Variants in RGL4 observed in about 807,000 individuals in gnomAD.
RGL4 encodes ral guanine nucleotide dissociation stimulator like 4, also known as ral-GDS-related protein.
RGL4 carries 41 observed loss-of-function variants against 49.6 expected under a neutral mutation model. That is an observed-to-expected ratio of 0.83 (90% CI 0.64 to 1.07). The LOEUF is 1.07. Ranked by LOEUF, RGL4 falls within the 50% of genes least tolerant of loss-of-function variation. RGL4 has a pLI of 0.00. For synonymous variants in RGL4, 255 were observed against 238.0 expected (o/e 1.07, Z -0.66); for missense variants, 610 against 591.9 (o/e 1.03, Z -0.32).
rs1415945759 is a variant in RGL4 at position 23,698,972 on chromosome 22, C to A, written c.*89C>A. The A allele has an allele frequency of 6.4e-7, 1 of 1,570,434 alleles. No individual in the cohort carries two copies. Among genetic ancestry groups the A allele is most frequent in the Non-Finnish European group, 8.6e-7 (1 of 1,157,326 alleles). ...CCATCCCTCACCCAGACCGTAGACACCAGGGAACCACATCTAGGAGGCTGG... is the reference window on the plus strand; with the variant it reads ...CCATCCCTCACCCAGACCGTAGACAACAGGGAACCACATCTAGGAGGCTGG... On this transcript the variant is annotated 3_prime_UTR_variant, in exon 11 of 11. Transcript: ENST00000290691.
In RGL4 at chr22:23,697,876, C is replaced by A; in HGVS notation, c.1260+15C>A. 6.2e-7 allele frequency: 1 copy of A among 1,603,896 alleles called. No individual in the cohort carries two copies. The highest frequency in any genetic ancestry group is 8.5e-7 in the Non-Finnish European group (1 of 1,176,118). ...AGAGGAGCAAGGTGAGCAGCTGGGG[C>A]ACTCACGTTGGATGAGGGTGGGGAT... On this transcript the variant is annotated intron_variant, in intron 9 of 10. Transcript: ENST00000290691.
rs1923566593 is a variant in RGL4, at chr22:23,697,211, A to G, written c.1202A>G (p.Gln401Arg). The G allele has an allele frequency of 6.2e-7, 1 of 1,613,692 alleles. No homozygotes were observed. The change falls in exon 8 of 11, where the codon CAG (glutamine) becomes CGG (arginine). Residue 401 changes from glutamine to arginine, a missense_variant. Physicochemically the swap from Gln to Arg is conservative, Grantham distance 43 (BLOSUM62 1). Transcript: ENST00000290691. ...PFLGDFLTEL[Q>R]RLDSAIPDDL... ...CTGGGGGATTTTCTGACTGAGTTAC[A>G]GAGGCTGGATTCGGCCATCCCGGAC...
At chr22:23,695,438 TCTGCTG>T (rs60344348) in intron 6 of RGL4, 15,897 of 503,152 alleles carry the variant, frequency 0.032, no homozygotes, top group South Asian at 0.086. Context: ...AAGCCAGGCC[TCTGCTG>T]CTGCTGCTGC....
intron 4 of RGL4, 157 bp downstream of exon 4, chr22:23,694,131 G>A (rs1034976126): frequency 3.2e-5 from 24 of 753,714 alleles, no homozygotes; most frequent in South Asian, 2.1e-4. Flanking sequence ...TGACTCCCAC[G>A]GCCCAGTGGT....
chr22:23,693,121 G>A (rs1165261216), intron 3 of RGL4, 130 bp downstream of exon 3: 1 of 1,419,970 alleles, frequency 7.0e-7, no homozygotes, highest in East Asian at 2.5e-5. Flanking sequence ...ATCTGGATGA[G>A]TTTCCTCACC....
chr22:23,693,143 C>A, intron 3 of RGL4, 152 bp downstream of exon 3: 1 of 1,344,232 alleles, frequency 7.4e-7, no homozygotes, highest in Non-Finnish European at 9.8e-7. Flanking sequence ...ACAAGCCTTC[C>A]CTGTCTGCAT....
intron 4 of RGL4, 31 bp from the exon 5 acceptor site, chr22:23,694,316 T>G: frequency 6.5e-7 from 1 of 1,539,644 alleles, no homozygotes; most frequent in Non-Finnish European, 9.0e-7. Context: ...GCTCCAACTC[T>G]GAACCGCACA....
intron 7 of RGL4, 44 bp from the exon 8 acceptor site, chr22:23,697,127 C>A: frequency 6.9e-7 from 1 of 1,457,886 alleles, no homozygotes; most frequent in Non-Finnish European, 9.6e-7. Flanking sequence ...GGCCAATACT[C>A]ATCACCACTA....
intron 7 of RGL4, 49 bp downstream of exon 7, chr22:23,696,737 G>A (rs1923527806): frequency 1.3e-6 from 2 of 1,534,376 alleles, no homozygotes; most frequent in Admixed American, 1.8e-5. Flanking sequence ...AGAGGACAGG[G>A]CTCCCTTCCC....
rs201370264 is a variant in RGL4, at chr22:23,695,003, G to A, written c.1070G>A (p.Arg357Lys). Residue 357 changes from arginine to lysine, a missense_variant, in exon 6 of 11, where the codon AGG becomes AAG. Coordinates refer to ENST00000290691, the MANE Select transcript of RGL4 (RefSeq NM_153615.2). ...ELCKKDTAVK[R>K]DLLIKAGSFK... ...TGCAAAAAAGACACTGCAGTGAAGA[G>A]GGACCTACTGATCAAGGTACAGTGG... The A allele has an allele frequency of 3.7e-6, 6 of 1,612,534 alleles. No homozygotes were observed. Among genetic ancestry groups the A allele is most frequent in the Non-Finnish European group, 5.1e-6 (6 of 1,178,650 alleles).
chr22:23,697,961 G>A lies in RGL4; in HGVS notation c.1260+100G>A, dbSNP rs981719972. ...CCTGGCTCCATCCTCTACATCTTAGGCTTACTGGGAGTGTTTGACACACAC... is the reference window on the plus strand; with the variant it reads ...CCTGGCTCCATCCTCTACATCTTAGACTTACTGGGAGTGTTTGACACACAC... On this transcript the variant is annotated intron_variant, in intron 9 of 10. Transcript: ENST00000290691. 5.7e-6 allele frequency: 8 copies of A among 1,415,318 alleles called. No homozygotes were observed. The African/African-American group carries it at 8.5e-5, about 15-fold the overall frequency. 87.7% of individuals were successfully genotyped at this position (1,415,318 alleles called of 1,614,324 possible).
In RGL4 at chr22:23,696,595, T is replaced by C. The variant is rs748658345; in HGVS notation, c.1087-19T>C. ...GAGAGGAGGAGAGCCTCACTGTCCC[T>C]GTCGCTGACACCTGGCAGGCGGGGA... On this transcript the variant is annotated intron_variant, in intron 6 of 10. Transcript: ENST00000290691. 5.0e-6 allele frequency: 8 copies of C among 1,613,638 alleles called. No homozygotes were observed. The highest frequency in any genetic ancestry group is 2.5e-6 in the Non-Finnish European group (3 of 1,179,730).
chr22:23,697,122 A>G (rs1428269529), intron 7 of RGL4, 49 bp from the exon 8 acceptor site: 3 of 1,429,304 alleles, frequency 2.1e-6, no homozygotes, highest in South Asian at 1.2e-5. Context: ...CTGAGGGCCA[A>G]TACTCATCAC....
chr22:23,695,411 G>T, intron 6 of RGL4: 1 of 535,782 alleles, frequency 1.9e-6, no homozygotes, highest in Non-Finnish European at 3.4e-6. Flanking sequence ...CCTCAAACCG[G>T]CCAGCAATTC....
At position 23,697,252 on chromosome 22, in the gene RGL4, G is replaced by A; in HGVS notation, c.1236+7G>A. On this transcript the variant is annotated splice_region_variant and intron_variant, in intron 8 of 10. Transcript: ENST00000290691. ...CATCCCGGACGACCTGGATGTGAGT[G>A]AGCCTGGGGCAGGGTGCTTGGGAAC... 1.2e-6 allele frequency: 2 copies of A among 1,611,288 alleles called. No homozygotes were observed. Among genetic ancestry groups the A allele is most frequent in the Non-Finnish European group, 1.7e-6 (2 of 1,177,672 alleles).
chr22:23,692,507 C>T lies in RGL4; in HGVS notation c.352C>T (p.Pro118Ser). The change falls in exon 2 of 11, where the codon CCC becomes TCC. Residue 118 changes from proline to serine, a missense_variant. Coordinates refer to ENST00000290691, the MANE Select transcript of RGL4 (RefSeq NM_153615.2). ...IVLGQLVLPE[P>S]NEAKPDDPAP... ...CCTAGGCCAGTTGGTGCTTCCGGAG[C>T]CCAACGAGGCCAAGCCAGATGGTGA... 1 of 1,613,904 alleles carries T rather than the reference C, an allele frequency of 6.2e-7. No homozygotes were observed. Among genetic ancestry groups the T allele is most frequent in the South Asian group, 1.1e-5 (1 of 91,074 alleles).
In RGL4 at chr22:23,698,224, C is replaced by A; in HGVS notation, c.1273C>A (p.Leu425Met). ...CCTCTGTCTCTAGGAGGTCCGAGTT[C>A]TGCAGGAAATGCAGCTGCTCCAAGT... ...TNKRSKEVRV[L>M]QEMQLLQVAA... The change falls in exon 10 of 11, where the codon CTG becomes ATG. Residue 425 changes from leucine to methionine, a missense_variant. By Grantham distance (15) the Leu-to-Met change is conservative. Coordinates refer to ENST00000290691, the MANE Select transcript of RGL4 (RefSeq NM_153615.2). 1 of 1,607,744 alleles carries A rather than the reference C, an allele frequency of 6.2e-7. No homozygotes were observed. Among genetic ancestry groups the A allele is most frequent in the Admixed American group, 1.7e-5 (1 of 59,902 alleles).
chr22:23,693,012 G>A (rs771664693), intron 3 of RGL4, 21 bp downstream of exon 3: 10 of 1,568,450 alleles, frequency 6.4e-6, no homozygotes, highest in Non-Finnish European at 8.7e-6. Flanking sequence ...GAGCTTTGCA[G>A]GCTGTGTCTC....
intron 5 of RGL4, chr22:23,694,654 G>A (rs1388544022): frequency 1.7e-6 from 1 of 601,570 alleles, no homozygotes; most frequent in Non-Finnish European, 3.0e-6. Context: ...TAACCATCAG[G>A]AACAGACTGG....
Sources: allele counts gnomAD v4.1 joint callset, GRCh38; gene constraint gnomAD v4.1.1; transcripts MANE v1.5; gene names NCBI Gene and HGNC (gene_info 2026-07-23, HGNC 2026-07-21).